The following RAVER2 variants were observed in gnomAD, a reference collection of about 807,000 sequenced individuals.
RAVER2 encodes ribonucleoprotein, PTB binding 2.
A neutral mutation model predicts 78.1 loss-of-function variants in RAVER2; 46 were observed. The ratio of observed to expected loss-of-function variants is 0.59; its 90% CI spans 0.46 to 0.75. RAVER2 has a LOEUF of 0.75. RAVER2 is among the 30% of genes least tolerant of loss of function. RAVER2 has a pLI of 0.00. For missense variants in RAVER2, 793 were observed against 837.5 expected (o/e 0.95, Z 0.66); for synonymous variants, 311 against 313.3 (o/e 0.99, Z 0.08).
At chr1:64,760,361 G>A (rs1651987594) in intron 1 of RAVER2, among the ~76,000 whole-genome samples, 1 of 152,200 alleles carries the variant, frequency 6.6e-6, no homozygotes, top group Admixed American at 6.5e-5. Context: ...TCAGAGTCCA[G>A]AATCTCTGGG....
chr1:64,800,423 C>T (rs1653230049), intron 5 of RAVER2, among the ~76,000 whole-genome samples: 1 of 151,990 alleles, frequency 6.6e-6, no homozygotes, highest in African/African-American at 2.4e-5. Context: ...AATTTTTAGT[C>T]TTACATTTAA....
At chr1:64,830,082 T>C (rs958427545) in intron 11 of RAVER2, among the ~76,000 whole-genome samples, 10 of 152,234 alleles carry the variant, frequency 6.6e-5, no homozygotes, top group Non-Finnish European at 5.9e-5. Flanking sequence ...CAGTCATTTC[T>C]AAGTTCTTGC....
intron 1 of RAVER2, among the ~76,000 whole-genome samples, chr1:64,757,626 G>A (rs1557582378): frequency 6.6e-6 from 1 of 152,164 alleles, no homozygotes; most frequent in Non-Finnish European, 1.5e-5. Context: ...AGGGTAGCCT[G>A]AGCTGACTAT....
intron 3 of RAVER2, 39 bp from the exon 4 acceptor site, chr1:64,781,341 A>G: frequency 6.9e-7 from 1 of 1,458,946 alleles, no homozygotes; most frequent in Non-Finnish European, 9.1e-7. Context: ...TTTCTAAGTA[A>G]AGATCGGAAT....
chr1:64,778,640 T>C (rs1335247858), intron 3 of RAVER2, among the ~76,000 whole-genome samples: 1 of 151,830 alleles, frequency 6.6e-6, no homozygotes, highest in Non-Finnish European at 1.5e-5. Context: ...TGAAAACTGA[T>C]AACACTGGCG....
At chr1:64,790,835 C>T (rs1652918882) in intron 5 of RAVER2, among the ~76,000 whole-genome samples, 1 of 152,138 alleles carries the variant, frequency 6.6e-6, no homozygotes, top group Admixed American at 6.5e-5. Flanking sequence ...TGGTCTAACA[C>T]CAGCTCACCT....
chr1:64,802,260 G>A (rs1456945360), intron 5 of RAVER2, among the ~76,000 whole-genome samples: 3 of 152,104 alleles, frequency 2.0e-5, no homozygotes, highest in Non-Finnish European at 2.9e-5. Context: ...CTCATCCTAT[G>A]ACTTAGAATG....
exon 11 of RAVER2, chr1:64,814,771 G>A (rs576245841): frequency 6.3e-7 from 1 of 1,591,842 alleles, no homozygotes; most frequent in Admixed American, 1.8e-5. Context: ...CAATCTCTCA[G>A]GGAAGTGAAT....
At chr1:64,751,843 G>A (rs891442392) in intron 1 of RAVER2, among the ~76,000 whole-genome samples, 9 of 151,872 alleles carry the variant, frequency 5.9e-5, no homozygotes, top group Non-Finnish European at 1.2e-4. Flanking sequence ...GGCAAACCAA[G>A]GAATATTAAA....
intron 2 of RAVER2, among the ~76,000 whole-genome samples, chr1:64,771,711 G>C (rs117895442): frequency 6.6e-6 from 1 of 152,138 alleles, no homozygotes; most frequent in Admixed American, 6.5e-5. Context: ...GTGTGATACC[G>C]TTTGACAATT....
At chr1:64,785,396 G>A (rs913175794) in intron 4 of RAVER2, among the ~76,000 whole-genome samples, 2 of 138,758 alleles carry the variant, frequency 1.4e-5, no homozygotes, top group Admixed American at 1.5e-4. Context: ...TTGAAATAGA[G>A]TCTTGCTCTG....
intron 1 of RAVER2, among the ~76,000 whole-genome samples, chr1:64,764,266 A>G (rs1652111734): frequency 6.6e-6 from 1 of 152,128 alleles, no homozygotes; most frequent in Non-Finnish European, 1.5e-5. Flanking sequence ...TTGATATATG[A>G]GAGAGACAGC....
intron 8 of RAVER2, among the ~76,000 whole-genome samples, chr1:64,805,784 T>C (rs1159292416): frequency 6.6e-6 from 1 of 152,162 alleles, no homozygotes; most frequent in African/African-American, 2.4e-5. Context: ...TACTTAACCT[T>C]TTGTCCAGTG....
Position 64,781,377 on chromosome 1 carries a change from C to G in RAVER2, c.787-3C>G. Reference sequence around the variant, plus strand: ...TACTGTTTAATAGAATGTATTGTATCAGCTTGCACAGGATGAAGGTAGTTA... The same window carrying G: ...TACTGTTTAATAGAATGTATTGTATGAGCTTGCACAGGATGAAGGTAGTTA... On this transcript the variant is annotated splice_region_variant and splice_polypyrimidine_tract_variant and intron_variant, in intron 3 of 11. Transcript: ENST00000294428. The G allele has an allele frequency of 6.3e-7, 1 of 1,576,992 alleles. No homozygotes were observed. The highest frequency in any genetic ancestry group is 8.6e-7 in the Non-Finnish European group (1 of 1,160,004).
At chr1:64,792,589 T>G in intron 5 of RAVER2, among the ~76,000 whole-genome samples, 1 of 152,232 alleles carries the variant, frequency 6.6e-6, no homozygotes, top group East Asian at 1.9e-4. Context: ...GGCAGTAGAC[T>G]TCTTTATACT....
chr1:64,809,518 A>AAATAAATC (rs1391430767), intron 9 of RAVER2, among the ~76,000 whole-genome samples: 2 of 151,526 alleles, frequency 1.3e-5, no homozygotes, highest in African/African-American at 4.9e-5. Context: ...ATAAATAAAT[A>AAATAAATC]AATAAAAGAG....
chr1:64,789,014 A>C (rs1652862969), intron 4 of RAVER2, among the ~76,000 whole-genome samples: 1 of 152,104 alleles, frequency 6.6e-6, no homozygotes, highest in African/African-American at 2.4e-5. Flanking sequence ...TGGCCAATTA[A>C]ACTTTAAATC....
chr1:64,813,828 G>GACACACACACACACAC (rs10566575), intron 10 of RAVER2, among the ~76,000 whole-genome samples: 3 of 145,898 alleles, frequency 2.1e-5, no homozygotes, highest in Non-Finnish European at 3.0e-5. Context: ...TTAGAGACTA[G>GACACACACACACACAC]ACACACACAC....
exon 12 of RAVER2, chr1:64,831,040 A>C (rs1344416073): frequency 6.5e-7 from 1 of 1,533,636 alleles, no homozygotes; most frequent in Admixed American, 1.9e-5. Flanking sequence ...TCTGCTGTTC[A>C]TCGCTGCCTT....
Sources: allele counts gnomAD v4.1 joint callset (sites outside exome capture counted in the v4.1 genomes callset), GRCh38; gene constraint gnomAD v4.1.1; transcripts MANE v1.5; gene names NCBI Gene and HGNC (gene_info 2026-07-23, HGNC 2026-07-21).